CD109: variants seen among roughly 807,000 people sequenced by gnomAD.
CD109 encodes CD109 molecule, also known as CD109 antigen.
Under a neutral mutation model 165.8 loss-of-function variants are expected in CD109, and 149 were observed. That is an observed-to-expected ratio of 0.90 (90% CI 0.79 to 1.03). The LOEUF (loss-of-function observed/expected upper bound fraction) is 1.03, where lower values mean the gene tolerates loss of function less well. Ranked by LOEUF, CD109 falls within the 50% of genes least tolerant of loss-of-function variation. The pLI, the probability that CD109 is intolerant of heterozygous loss-of-function variation, is 0.00. For synonymous variants in CD109, 585 were observed against 592.1 expected (o/e 0.99, Z 0.18); for missense variants, 1,712 against 1,677.8 (o/e 1.02, Z -0.36).
rs868531522 is a variant in CD109, at chr6:73,730,524, C to T, written c.457C>T (p.Leu153Phe). 3 of 1,613,980 alleles carry T rather than the reference C, an allele frequency of 1.9e-6. No individual in the cohort carries two copies. The highest frequency in any genetic ancestry group is 2.2e-5 in the East Asian group (1 of 44,896). Reference protein sequence around the residue: ...KQEVKFRIVTLFSDFKPYKTS... With the variant: ...KQEVKFRIVTFFSDFKPYKTS... The stretch of plus-strand genomic sequence containing the variant: ...AGAAGTGAAGTTTCGCATTGTTACA[C>T]TCTTCTCAGATTTTAAGCCTTACAA... Residue 153 changes from leucine to phenylalanine, a missense_variant, in exon 4 of 33, where the codon CTC (leucine) becomes TTC (phenylalanine). Transcript: ENST00000287097.
At chr6:73,708,155 C>T (rs1771369614) in intron 2 of CD109, among the ~76,000 whole-genome samples, 1 of 152,002 alleles carries the variant, frequency 6.6e-6, no homozygotes, top group Admixed American at 6.6e-5. Context: ...CCCCTTCCCC[C>T]ATCCCACGAC....
At chr6:73,761,158 T>C (rs1217559526) in intron 7 of CD109, among the ~76,000 whole-genome samples, 1 of 152,164 alleles carries the variant, frequency 6.6e-6, no homozygotes, top group Non-Finnish European at 1.5e-5. Context: ...TTGACAGCCA[T>C]GAGCACATTT....
rs796643484 is a variant in CD109 at position 73,802,255 on chromosome 6, ATATG to A, written c.2879-963_2879-960del. Among the ~76,000 whole-genome samples, 752 of 118,160 alleles carry A rather than the reference ATATG, an allele frequency of 6.4e-3. 11 individuals carry two copies. Among genetic ancestry groups the A allele is most frequent in the African/African-American group, 0.022 (608 of 28,174 alleles). 77.5% of individuals were successfully genotyped at this position (118,160 alleles called of 152,430 possible). A position where few individuals can be genotyped will look rare whatever the true frequency, so the allele number is the denominator to read the frequency against. On this transcript the variant is annotated intron_variant, in intron 23 of 32. Transcript: ENST00000287097. ...TTCATTGCCACCACTGAGCATGTGTATATGTGTGTGTGTGTGTGTGTGTGTGTGT... is the reference window on the plus strand; with the variant it reads ...TTCATTGCCACCACTGAGCATGTGTATGTGTGTGTGTGTGTGTGTGTGTGT...
chr6:73,680,153 C>G, the CD109 span, among the ~76,000 whole-genome samples: 1 of 152,090 alleles, frequency 6.6e-6, no homozygotes, highest in Non-Finnish European at 1.5e-5. Flanking sequence ...CCATTTCAAG[C>G]CATTTTTATA....
At chr6:73,717,273 C>T in intron 2 of CD109, among the ~76,000 whole-genome samples, 1 of 150,426 alleles carries the variant, frequency 6.6e-6, no homozygotes, top group East Asian at 1.9e-4. Context: ...TTTGGTGGTT[C>T]CATAAAAATT....
chr6:73,727,607 A>G (rs1168995492), intron 3 of CD109, among the ~76,000 whole-genome samples: 1 of 152,138 alleles, frequency 6.6e-6, no homozygotes, highest in Non-Finnish European at 1.5e-5. Flanking sequence ...ATTTATTTTA[A>G]TTCTCTGACC....
intron 23 of CD109, among the ~76,000 whole-genome samples, chr6:73,797,594 C>T (rs1271902394): frequency 6.6e-6 from 1 of 152,096 alleles, no homozygotes; most frequent in Non-Finnish European, 1.5e-5. Flanking sequence ...CAGCTTATTA[C>T]CAGAGAAAAT....
Position 73,825,482 on chromosome 6 carries a change from G to C in CD109, c.*1849G>C, listed in dbSNP as rs1325791185. ...AAGGACTTTCCCCTCCTCTTTCCTG[G>C]CCTGGGAACCTTATACTGACAATCA... On this transcript the variant is annotated 3_prime_UTR_variant, in exon 33 of 33. Transcript: ENST00000287097. 6.6e-6 allele frequency: 1 copy of C among 152,074 alleles called. No homozygotes were observed. The highest frequency in any genetic ancestry group is 1.5e-5 in the Non-Finnish European group (1 of 68,020). The allele number at this position is 152,074 out of a possible 1,614,324, so 9.4% of individuals were successfully genotyped here. A position where few individuals can be genotyped will look rare whatever the true frequency, so the allele number is the denominator to read the frequency against.
At chr6:73,693,907 C>T (rs187968808), upstream of CD109, 2,038 of 149,142 alleles carry the variant, frequency 0.014, 20 homozygotes, top group South Asian at 0.041. Flanking sequence ...TTTTTTGAGA[C>T]GGAGTTTTGC....
At chr6:73,774,400 C>T (rs1365108607) in intron 15 of CD109, among the ~76,000 whole-genome samples, 4 of 152,130 alleles carry the variant, frequency 2.6e-5, no homozygotes. Context: ...CTGCTTGCCT[C>T]TATTCAGTGT....
intron 28 of CD109, among the ~76,000 whole-genome samples, chr6:73,811,953 G>A (rs1468005659): frequency 6.6e-6 from 1 of 152,200 alleles, no homozygotes; most frequent in Non-Finnish European, 1.5e-5. Context: ...CAGGAGGACA[G>A]ACTTGTCAGT....
At chr6:73,791,162 T>TACACAC (rs1774931410) in intron 22 of CD109, among the ~76,000 whole-genome samples, 1 of 36,330 alleles carries the variant, frequency 2.8e-5, no homozygotes, top group African/African-American at 1.0e-4. Context: ...TATATATATA[T>TACACAC]ATATATATAT....
At chr6:73,773,637 T>C (rs556289994) in intron 15 of CD109, among the ~76,000 whole-genome samples, 1 of 152,334 alleles carries the variant, frequency 6.6e-6, no homozygotes, top group South Asian at 2.1e-4. Context: ...CTAAAGGTTA[T>C]CAGTATTTGA....
In CD109 at chr6:73,762,364, CTA is replaced by C; in HGVS notation, c.759-18_759-17del. On this transcript the variant is annotated intron_variant, in intron 7 of 32. Coordinates refer to ENST00000287097, the MANE Select transcript of CD109 (RefSeq NM_133493.5). ...AATATCAAGTTGATACATAAAAAGA[CTA>C]TGTTTATAATTATTCAGGTATACAT... The C allele has an allele frequency of 1.4e-6, 2 of 1,422,708 alleles. No individual in the cohort carries two copies. The highest frequency in any genetic ancestry group is 1.8e-4 in the Middle Eastern group (1 of 5,672). The allele number at this position is 1,422,708 out of a possible 1,614,324, so 88.1% of individuals were successfully genotyped here.
At chr6:73,749,757 C>T (rs1773119796) in intron 5 of CD109, among the ~76,000 whole-genome samples, 2 of 152,172 alleles carry the variant, frequency 1.3e-5, no homozygotes, top group African/African-American at 2.4e-5. Context: ...AAGGTAAAAA[C>T]ATCCAAACAT....
At chr6:73,720,131 G>C (rs1252384345) in intron 2 of CD109, among the ~76,000 whole-genome samples, 2 of 152,016 alleles carry the variant, frequency 1.3e-5, no homozygotes, top group African/African-American at 2.4e-5. Flanking sequence ...AGAAAGTGTG[G>C]TATATATACG....
chr6:73,756,813 A>C (rs1773410336), intron 6 of CD109, 131 bp downstream of exon 6: 1 of 542,892 alleles, frequency 1.8e-6, no homozygotes, highest in Admixed American at 3.9e-5. Flanking sequence ...TGTTTTTTAA[A>C]GGCCTAACCA....
chr6:73,814,057 G>T (rs1775844980), intron 29 of CD109, among the ~76,000 whole-genome samples: 1 of 152,144 alleles, frequency 6.6e-6, no homozygotes, highest in Non-Finnish European at 1.5e-5. Context: ...TTGGATTGTG[G>T]CAGAATAAGA....
At chr6:73,717,447 T>C (rs1237739559) in intron 2 of CD109, among the ~76,000 whole-genome samples, 6 of 151,992 alleles carry the variant, frequency 3.9e-5, no homozygotes, top group African/African-American at 1.4e-4. Flanking sequence ...CATCTTCAAT[T>C]TTTTTCATCA....
Sources: gnomAD v4.1 joint callset for allele counts (sites outside exome capture counted in the v4.1 genomes callset) on GRCh38, gnomAD v4.1.1 for gene constraint, MANE v1.5 for transcripts, NCBI Gene and HGNC (gene_info 2026-07-23, HGNC 2026-07-21) for gene names.